CNTNAP5: variants seen among roughly 807,000 people sequenced by gnomAD.
CNTNAP5 encodes the protein contactin associated protein family member 5, also known as contactin-associated protein-like 5.
CNTNAP5 carries 72 observed loss-of-function variants against 150.2 expected under a neutral mutation model. That is an observed-to-expected ratio of 0.48 (90% CI 0.40 to 0.58). The LOEUF (loss-of-function observed/expected upper bound fraction) is 0.58. Among genes scored for constraint, CNTNAP5 ranks in the 20% least tolerant of loss-of-function variants. The probability of loss-of-function intolerance (pLI) is 0.00; values close to 1 mark genes in which losing one functional copy is unlikely to be tolerated. For missense variants in CNTNAP5, 1,636 were observed against 1,626.2 expected, an observed-to-expected ratio of 1.01 and a Z score of -0.10; for synonymous variants, 672 against 619.8, an observed-to-expected ratio of 1.08 and a Z score of -1.25.
intron 1 of CNTNAP5, among the ~76,000 whole-genome samples, chr2:124,031,636 G>A (rs945340070): frequency 2.6e-5 from 4 of 152,048 alleles, no homozygotes; most frequent in Non-Finnish European, 5.9e-5. Flanking sequence ...TCCTAACAGA[G>A]GAAGCCTCTC....
intron 3 of CNTNAP5, among the ~76,000 whole-genome samples, chr2:124,367,522 T>C (rs907240709): frequency 6.6e-6 from 1 of 152,136 alleles, no homozygotes; most frequent in African/African-American, 2.4e-5. Context: ...CATGGGATTA[T>C]GGGAAATACA....
chr2:124,613,045 C>T (rs76372835), intron 12 of CNTNAP5, among the ~76,000 whole-genome samples: 6 of 152,250 alleles, frequency 3.9e-5, no homozygotes, highest in African/African-American at 1.4e-4. Context: ...GAGTAAGACT[C>T]TGTCTCAAAT....
chr2:124,355,036 A>G (rs1329419876), intron 3 of CNTNAP5, among the ~76,000 whole-genome samples: 1 of 151,296 alleles, frequency 6.6e-6, no homozygotes, highest in Non-Finnish European at 1.5e-5. Flanking sequence ...CATATCAATA[A>G]TATTTTTCCT....
intron 1 of CNTNAP5, among the ~76,000 whole-genome samples, chr2:124,158,655 T>C (rs1049564273): frequency 2.0e-5 from 3 of 152,234 alleles, no homozygotes; most frequent in Non-Finnish European, 2.9e-5. Flanking sequence ...CAAATGTTGA[T>C]ACATTTATGA....
intron 1 of CNTNAP5, among the ~76,000 whole-genome samples, chr2:124,149,833 C>T (rs537852413): frequency 2.9e-4 from 44 of 152,292 alleles, no homozygotes; most frequent in Admixed American, 5.9e-4. Flanking sequence ...CTTCTGTTGC[C>T]GCCAAAACAA....
chr2:124,483,148 G>A (rs1162077343), intron 7 of CNTNAP5, among the ~76,000 whole-genome samples: 1 of 152,084 alleles, frequency 6.6e-6, no homozygotes, highest in Non-Finnish European at 1.5e-5. Flanking sequence ...CAAACTCACT[G>A]GTAGGGTTCA....
intron 1 of CNTNAP5, among the ~76,000 whole-genome samples, chr2:124,161,891 G>A (rs1241618554): frequency 6.6e-6 from 1 of 151,990 alleles, no homozygotes; most frequent in Non-Finnish European, 1.5e-5. Flanking sequence ...ATGGATGATT[G>A]GAAAATATTT....
At chr2:124,892,804 C>T (rs895888718) in intron 21 of CNTNAP5, among the ~76,000 whole-genome samples, 4 of 152,080 alleles carry the variant, frequency 2.6e-5, no homozygotes, top group Non-Finnish European at 4.4e-5. Flanking sequence ...CACACTAGTT[C>T]CAAAATGCCT....
At position 124,243,521 on chromosome 2, in the gene CNTNAP5, A is replaced by G. The variant is rs537925089; in HGVS notation, c.381+1128A>G. On this transcript the variant is annotated intron_variant, in intron 3 of 23. Transcript: ENST00000682447. ...GAATCCTGAGAATAGTATTAATGTC[A>G]TCTTTATTCTGGGTCACTTGTAATA... Among the ~76,000 whole-genome samples, 3 of 152,340 alleles carry G rather than the reference A, an allele frequency of 2.0e-5. No homozygotes were observed. In the South Asian group the frequency reaches 6.2e-4, roughly 32 times the overall value.
At chr2:124,846,364 TGGA>T (rs1683047611) in intron 19 of CNTNAP5, among the ~76,000 whole-genome samples, 1 of 152,186 alleles carries the variant, frequency 6.6e-6, no homozygotes, top group Non-Finnish European at 1.5e-5. Context: ...CTTGTTTGAT[TGGA>T]CTGCTGAGAC....
chr2:124,800,624 A>C (rs540886544), intron 19 of CNTNAP5, among the ~76,000 whole-genome samples: 1 of 152,330 alleles, frequency 6.6e-6, no homozygotes, highest in South Asian at 2.1e-4. Flanking sequence ...TGTTTTAAAT[A>C]ATGTGAATCT....
chr2:124,613,878 T>C (rs1301095126), intron 12 of CNTNAP5, among the ~76,000 whole-genome samples: 4 of 152,210 alleles, frequency 2.6e-5, no homozygotes, highest in Admixed American at 6.5e-5. Flanking sequence ...GGACTGAATC[T>C]GGACCTCCGC....
chr2:124,641,045 G>C (rs144509017), intron 12 of CNTNAP5, among the ~76,000 whole-genome samples: 10,131 of 147,502 alleles, frequency 0.069, 1,165 homozygotes, highest in African/African-American at 0.24. Flanking sequence ...AGAATTGCTT[G>C]AACCCGGGAG....
intron 11 of CNTNAP5, among the ~76,000 whole-genome samples, chr2:124,590,252 C>T (rs965565949): frequency 8.5e-5 from 13 of 152,162 alleles, no homozygotes; most frequent in African/African-American, 3.1e-4. Context: ...CTAAGACAAT[C>T]CTGTTATGGC....
intron 1 of CNTNAP5, among the ~76,000 whole-genome samples, chr2:124,137,302 G>GTTT (rs11441547): frequency 6.6e-6 from 1 of 150,686 alleles, no homozygotes; most frequent in African/African-American, 2.4e-5. Flanking sequence ...TTCCTCTGTA[G>GTTT]TTTTTTTTTC....
intron 11 of CNTNAP5, among the ~76,000 whole-genome samples, chr2:124,594,377 C>A (rs62173970): frequency 6.6e-6 from 1 of 151,278 alleles, no homozygotes; most frequent in African/African-American, 2.4e-5. Context: ...TTCCCAGCAT[C>A]GTTTATTAAA....
chr2:124,638,040 G>A (rs1678007501), intron 12 of CNTNAP5, among the ~76,000 whole-genome samples: 4 of 151,766 alleles, frequency 2.6e-5, no homozygotes, highest in African/African-American at 9.7e-5. Context: ...CTTTCAGTGG[G>A]CAGAACTAAA....
chr2:124,422,552 A>C (rs986257081), intron 4 of CNTNAP5, among the ~76,000 whole-genome samples: 1 of 152,234 alleles, frequency 6.6e-6, no homozygotes, highest in Non-Finnish European at 1.5e-5. Flanking sequence ...AGTTTTGCAC[A>C]GTGCCCTGGA....
chr2:124,278,570 C>G (rs950328594), intron 3 of CNTNAP5, among the ~76,000 whole-genome samples: 1 of 152,142 alleles, frequency 6.6e-6, no homozygotes, highest in Admixed American at 6.6e-5. Context: ...AAACAAGCCT[C>G]ATGTGGATGA....
Sources: gnomAD v4.1 joint callset for allele counts (sites outside exome capture counted in the v4.1 genomes callset) on GRCh38, gnomAD v4.1.1 for gene constraint, MANE v1.5 for transcripts, NCBI Gene and HGNC (gene_info 2026-07-23, HGNC 2026-07-21) for gene names.